PDE3A: variants seen among roughly 807,000 people sequenced by gnomAD.
PDE3A encodes the protein phosphodiesterase 3A.
A neutral mutation model predicts 98.3 loss-of-function variants in PDE3A; 43 were observed. That is an observed-to-expected ratio of 0.44 (90% CI 0.34 to 0.56). The LOEUF (loss-of-function observed/expected upper bound fraction) is 0.56, where lower values mean the gene tolerates loss of function less well. PDE3A is among the 20% of genes least tolerant of loss of function. The probability of loss-of-function intolerance (pLI) is 0.01; values close to 1 mark genes in which losing one functional copy is unlikely to be tolerated. For synonymous variants in PDE3A, 663 were observed against 567.9 expected (o/e 1.17, Z -2.38); for missense variants, 1,427 against 1,440.7 (o/e 0.99, Z 0.15).
chr12:20,470,112 A>G (rs1418957942), intron 1 of PDE3A, among the ~76,000 whole-genome samples: 1 of 151,980 alleles, frequency 6.6e-6, no homozygotes, highest in African/African-American at 2.4e-5. Context: ...TGTGTTAGCA[A>G]AACTTGGATT....
At chr12:20,498,623 C>T (rs1945967638) in intron 1 of PDE3A, among the ~76,000 whole-genome samples, 1 of 151,270 alleles carries the variant, frequency 6.6e-6, no homozygotes, top group Non-Finnish European at 1.5e-5. Context: ...TGGAACCAAT[C>T]TGCCATGGAT....
At chr12:20,518,474 T>G (rs1442311623) in intron 1 of PDE3A, among the ~76,000 whole-genome samples, 1 of 152,160 alleles carries the variant, frequency 6.6e-6, no homozygotes, top group Non-Finnish European at 1.5e-5. Context: ...TACCTGTGGC[T>G]AATAAAATAA....
intron 2 of PDE3A, among the ~76,000 whole-genome samples, chr12:20,574,618 A>T (rs192790099): frequency 6.6e-6 from 1 of 151,896 alleles, no homozygotes; most frequent in African/African-American, 2.4e-5. Context: ...CAACATCATC[A>T]TCTTGCTCCC....
At chr12:20,406,407 G>A (rs1327062708) in intron 1 of PDE3A, among the ~76,000 whole-genome samples, 1 of 151,980 alleles carries the variant, frequency 6.6e-6, no homozygotes, top group Non-Finnish European at 1.5e-5. Flanking sequence ...TATCTTTTTG[G>A]TAGTATCCAT....
At chr12:20,536,135 C>A (rs1941742318) in intron 1 of PDE3A, among the ~76,000 whole-genome samples, 1 of 152,106 alleles carries the variant, frequency 6.6e-6, no homozygotes, top group Non-Finnish European at 1.5e-5. Context: ...GAATAATGAT[C>A]ATCATACATA....
intron 2 of PDE3A, among the ~76,000 whole-genome samples, chr12:20,570,437 A>AAAAAAC: frequency 7.1e-6 from 1 of 141,400 alleles, no homozygotes; most frequent in Non-Finnish European, 1.6e-5. Flanking sequence ...AAAAAAAAAA[A>AAAAAAC]AGGTGTAAAG....
intron 1 of PDE3A, among the ~76,000 whole-genome samples, chr12:20,378,113 G>A (rs972366254): frequency 6.6e-6 from 1 of 151,704 alleles, no homozygotes; most frequent in Non-Finnish European, 1.5e-5. Flanking sequence ...GAAACACAAT[G>A]AAAATGGTTC....
chr12:20,635,760 A>AG (rs1016604073), intron 8 of PDE3A, among the ~76,000 whole-genome samples: 2 of 151,532 alleles, frequency 1.3e-5, no homozygotes, highest in African/African-American at 4.8e-5. Flanking sequence ...CTCAAAAAAA[A>AG]AAAAAAAAAA....
chr12:20,562,399 T>C (rs1942548969), intron 2 of PDE3A, among the ~76,000 whole-genome samples: 1 of 152,026 alleles, frequency 6.6e-6, no homozygotes. Flanking sequence ...TTTGTGTTTT[T>C]AATAGAGACA....
chr12:20,458,068 T>G (rs1292646031), intron 1 of PDE3A, among the ~76,000 whole-genome samples: 1 of 152,146 alleles, frequency 6.6e-6, no homozygotes, highest in Non-Finnish European at 1.5e-5. Flanking sequence ...TTGAATCATT[T>G]TATATACTAG....
At chr12:20,623,735 T>C (rs1010490916) in intron 5 of PDE3A, among the ~76,000 whole-genome samples, 17 of 145,730 alleles carry the variant, frequency 1.2e-4, no homozygotes, top group African/African-American at 4.3e-4. Flanking sequence ...CTAGAAAGAA[T>C]ATATGATGGA....
chr12:20,429,670 A>G (rs1305095598), intron 1 of PDE3A, among the ~76,000 whole-genome samples: 5 of 152,218 alleles, frequency 3.3e-5, no homozygotes, highest in African/African-American at 9.6e-5. Flanking sequence ...TGCTGCATTC[A>G]AAACATGCTG....
chr12:20,508,592 T>C (rs1324372608), intron 1 of PDE3A, among the ~76,000 whole-genome samples: 2 of 151,992 alleles, frequency 1.3e-5, no homozygotes, highest in African/African-American at 4.8e-5. Flanking sequence ...TTAAAAGGAA[T>C]CCATTTAGAC....
intron 1 of PDE3A, among the ~76,000 whole-genome samples, chr12:20,383,299 AT>A (rs1429444522): frequency 6.6e-6 from 1 of 151,788 alleles, no homozygotes; most frequent in African/African-American, 2.4e-5. Flanking sequence ...TTTTAGTTTC[AT>A]TTTTCATGGT....
chr12:20,619,963 C>T (rs964728188), intron 4 of PDE3A, among the ~76,000 whole-genome samples: 1 of 152,044 alleles, frequency 6.6e-6, no homozygotes. Context: ...TGGATACAGA[C>T]AATAGTAAGA....
intron 2 of PDE3A, among the ~76,000 whole-genome samples, chr12:20,607,880 A>G (rs944499533): frequency 6.6e-6 from 1 of 152,136 alleles, no homozygotes; most frequent in African/African-American, 2.4e-5. Flanking sequence ...AACATTTAGT[A>G]TTTATTATCA....
intron 1 of PDE3A, among the ~76,000 whole-genome samples, chr12:20,464,931 C>T (rs1242731795): frequency 3.9e-5 from 6 of 152,140 alleles, no homozygotes; most frequent in East Asian, 3.9e-4. Flanking sequence ...TAACATGGCA[C>T]ACTCTATTTA....
intron 15 of PDE3A, among the ~76,000 whole-genome samples, chr12:20,673,894 G>C (rs1476393597): frequency 6.6e-6 from 1 of 151,934 alleles, no homozygotes; most frequent in Non-Finnish European, 1.5e-5. Context: ...AGATTGCACT[G>C]AATCCATACA....
intron 1 of PDE3A, among the ~76,000 whole-genome samples, chr12:20,455,046 A>T (rs7970082): frequency 0.041 from 6,239 of 152,240 alleles, 432 homozygotes; most frequent in African/African-American, 0.14. Flanking sequence ...TGGAATTGCC[A>T]CACTGCTTTC....
Sources: allele counts gnomAD v4.1 joint callset (sites outside exome capture counted in the v4.1 genomes callset), GRCh38; gene constraint gnomAD v4.1.1; transcripts MANE v1.5; gene names NCBI Gene and HGNC (gene_info 2026-07-23, HGNC 2026-07-21).